The following COP1 variants were observed in gnomAD, a reference collection of about 807,000 sequenced individuals.
COP1 encodes the protein E3 ubiquitin-protein ligase COP1.
COP1 carries 24 observed loss-of-function variants against 101.3 expected under a neutral mutation model. That is an observed-to-expected ratio of 0.24 (90% CI 0.17 to 0.33). COP1 has a LOEUF of 0.33. Among genes scored for constraint, COP1 ranks in the 10% least tolerant of loss-of-function variants. The pLI, the probability that COP1 is intolerant of heterozygous loss-of-function variation, is 1.00. For synonymous variants in COP1, 347 were observed against 341.9 expected, an observed-to-expected ratio of 1.01 and a Z score of -0.17; for missense variants, 663 against 906.2, an observed-to-expected ratio of 0.73 and a Z score of 3.45.
At chr1:176,019,187 G>A (rs1290887851) in intron 15 of COP1, among the ~76,000 whole-genome samples, 4 of 137,548 alleles carry the variant, frequency 2.9e-5, no homozygotes, top group Admixed American at 7.4e-5. Flanking sequence ...AATCATGGCC[G>A]GGTGTGGTGG....
intron 8 of COP1, among the ~76,000 whole-genome samples, chr1:176,122,644 T>C (rs2149644660): frequency 6.6e-6 from 1 of 152,308 alleles, no homozygotes; most frequent in East Asian, 1.9e-4. Flanking sequence ...CTTCTTTTAA[T>C]TAGTACATGG....
chr1:176,202,252 T>G (rs934118230), intron 1 of COP1, among the ~76,000 whole-genome samples: 1 of 148,712 alleles, frequency 6.7e-6, no homozygotes, highest in Non-Finnish European at 1.5e-5. Flanking sequence ...TGCAGTGGTG[T>G]GATCATAGCT....
intron 6 of COP1, among the ~76,000 whole-genome samples, chr1:176,141,932 C>T (rs912699359): frequency 6.6e-6 from 1 of 151,992 alleles, no homozygotes; most frequent in African/African-American, 2.4e-5. Context: ...CAAAGTCTCA[C>T]TATATTGTCC....
At chr1:176,050,171 AT>A (rs1442293943) in intron 11 of COP1, among the ~76,000 whole-genome samples, 2 of 152,356 alleles carry the variant, frequency 1.3e-5, no homozygotes, top group African/African-American at 4.8e-5. Flanking sequence ...ATTTTGAAAC[AT>A]TTCAACTGTT....
At chr1:176,047,130 A>G (rs2149209047) in intron 11 of COP1, among the ~76,000 whole-genome samples, 1 of 152,300 alleles carries the variant, frequency 6.6e-6, no homozygotes, top group Middle Eastern at 3.4e-3. Flanking sequence ...TAATTAGCCC[A>G]AAGGTAGTAA....
intron 9 of COP1, among the ~76,000 whole-genome samples, chr1:176,110,996 A>C (rs574105199): frequency 5.3e-5 from 8 of 152,216 alleles, no homozygotes; most frequent in African/African-American, 1.9e-4. Flanking sequence ...TACTAAAAAT[A>C]CAAAAATTAG....
intron 18 of COP1, among the ~76,000 whole-genome samples, chr1:175,955,155 G>A (rs1229083539): frequency 6.6e-6 from 1 of 152,094 alleles, no homozygotes; most frequent in Non-Finnish European, 1.5e-5. Flanking sequence ...GTTGAGGTGG[G>A]AGAATCACCT....
intron 15 of COP1, among the ~76,000 whole-genome samples, chr1:176,002,636 T>A (rs201422094): frequency 6.8e-6 from 1 of 147,632 alleles, no homozygotes; most frequent in Non-Finnish European, 1.5e-5. Context: ...GATAGTTTAC[T>A]GAGAATGATG....
intron 16 of COP1, 128 bp from the exon 17 acceptor site, chr1:175,988,540 G>T: frequency 1.1e-6 from 1 of 884,088 alleles, no homozygotes; most frequent in Non-Finnish European, 1.7e-6. Flanking sequence ...GAGTTAGCAC[G>T]TTCATCTGTC....
chr1:176,100,629 G>A (rs1035071134), intron 9 of COP1, among the ~76,000 whole-genome samples: 6 of 152,064 alleles, frequency 3.9e-5, no homozygotes, highest in Admixed American at 1.3e-4. Flanking sequence ...TTATCCTGCC[G>A]GGTGATGGGA....
chr1:176,139,115 C>T (rs535408188), intron 6 of COP1, among the ~76,000 whole-genome samples: 1 of 151,576 alleles, frequency 6.6e-6, no homozygotes, highest in East Asian at 1.9e-4. Flanking sequence ...AAAATGGGCA[C>T]AGACATAAAC....
intron 11 of COP1, among the ~76,000 whole-genome samples, chr1:176,047,817 G>A (rs544428432): frequency 6.6e-6 from 1 of 152,290 alleles, no homozygotes; most frequent in Non-Finnish European, 1.5e-5. Context: ...GCTCATGCCT[G>A]CAATCCCAGC....
intron 2 of COP1, among the ~76,000 whole-genome samples, chr1:176,181,778 G>A (rs992062900): frequency 2.0e-5 from 3 of 152,118 alleles, no homozygotes; most frequent in South Asian, 4.1e-4. Flanking sequence ...GGGAGGTGGA[G>A]GTTGCAGTGA....
intron 11 of COP1, among the ~76,000 whole-genome samples, chr1:176,076,495 C>G (rs1321553475): frequency 2.0e-5 from 3 of 152,016 alleles, no homozygotes; most frequent in Non-Finnish European, 4.4e-5. Context: ...AAATTTATAG[C>G]ACTAAAAATG....
At chr1:176,055,600 A>C (rs1673336334) in intron 11 of COP1, among the ~76,000 whole-genome samples, 1 of 152,018 alleles carries the variant, frequency 6.6e-6, no homozygotes. Flanking sequence ...CCCAAACCAG[A>C]CCTCTCTCTA....
At chr1:176,099,507 C>CTCTCTG (rs1229007854) in intron 9 of COP1, among the ~76,000 whole-genome samples, 2 of 3,804 alleles carry the variant, frequency 5.3e-4, no homozygotes, top group African/African-American at 6.0e-4. Flanking sequence ...GCATATTTGT[C>CTCTCTG]TCTCTCTCTC....
At chr1:176,099,535 CT>C (rs1259242801) in intron 9 of COP1, among the ~76,000 whole-genome samples, 19 of 146,124 alleles carry the variant, frequency 1.3e-4, no homozygotes, top group Non-Finnish European at 2.6e-4. Context: ...CTCTCTCTCT[CT>C]CTCTCCCTGG....
intron 9 of COP1, among the ~76,000 whole-genome samples, chr1:176,096,463 G>A (rs920050914): frequency 6.6e-6 from 1 of 152,198 alleles, no homozygotes; most frequent in Non-Finnish European, 1.5e-5. Context: ...CACACAGGGC[G>A]GGAATGAGCC....
intron 8 of COP1, among the ~76,000 whole-genome samples, chr1:176,132,140 T>G (rs1688983290): frequency 6.6e-6 from 1 of 151,748 alleles, no homozygotes; most frequent in South Asian, 2.1e-4. Flanking sequence ...CTAACTTTTC[T>G]CCCCAGCTTC....
Sources: allele counts gnomAD v4.1 joint callset (sites outside exome capture counted in the v4.1 genomes callset), GRCh38; gene constraint gnomAD v4.1.1; transcripts MANE v1.5; gene names NCBI Gene and HGNC (gene_info 2026-07-23, HGNC 2026-07-21).